KIF18A: variants seen among roughly 807,000 people sequenced by gnomAD.
The protein encoded by KIF18A is kinesin-like protein KIF18A.
KIF18A carries 67 observed loss-of-function variants against 103.3 expected under a neutral mutation model. The ratio of observed to expected loss-of-function variants is 0.65; its 90% CI spans 0.53 to 0.79. KIF18A has a LOEUF of 0.79. Among genes scored for constraint, KIF18A ranks in the 30% least tolerant of loss-of-function variants. The pLI is 0.00. For missense variants in KIF18A, 1,032 were observed against 1,062.5 expected (o/e 0.97, Z 0.40); for synonymous variants, 367 against 355.5 (o/e 1.03, Z -0.36).
At chr11:28,093,584 G>A (rs1164470617) in intron 3 of KIF18A, among the ~76,000 whole-genome samples, 12 of 152,018 alleles carry the variant, frequency 7.9e-5, no homozygotes, top group Admixed American at 2.6e-4. Flanking sequence ...TATTTCAAAA[G>A]GACACAAGAG....
intron 13 of KIF18A, among the ~76,000 whole-genome samples, chr11:28,047,721 T>C (rs1473299516): frequency 6.6e-6 from 1 of 152,066 alleles, no homozygotes; most frequent in African/African-American, 2.4e-5. Context: ...ATAAACATAA[T>C]GGAGACTTAA....
intron 12 of KIF18A, among the ~76,000 whole-genome samples, chr11:28,060,449 T>C (rs1850843544): frequency 6.6e-6 from 1 of 152,196 alleles, no homozygotes; most frequent in Non-Finnish European, 1.5e-5. Flanking sequence ...GTGACCTTTT[T>C]CCTTTTGGTG....
At chr11:28,050,120 T>A (rs933096430) in intron 13 of KIF18A, among the ~76,000 whole-genome samples, 6 of 151,852 alleles carry the variant, frequency 4.0e-5, no homozygotes, top group African/African-American at 1.4e-4. Context: ...AACCTTTTGA[T>A]ATTTTTTCTG....
At chr11:28,100,444 C>T (rs185174404) in intron 1 of KIF18A, among the ~76,000 whole-genome samples, 12 of 150,646 alleles carry the variant, frequency 8.0e-5, no homozygotes, top group African/African-American at 3.0e-4. Context: ...AACACAGAGG[C>T]CATCGAGAAA....
chr11:28,039,212 A>G (rs1022695353), intron 13 of KIF18A, among the ~76,000 whole-genome samples: 2 of 151,718 alleles, frequency 1.3e-5, no homozygotes, highest in East Asian at 1.9e-4. Flanking sequence ...ATATGTTTCA[A>G]CTGTTAATAT....
intron 10 of KIF18A, among the ~76,000 whole-genome samples, chr11:28,074,579 G>A (rs943321885): frequency 6.6e-6 from 1 of 152,038 alleles, no homozygotes; most frequent in Non-Finnish European, 1.5e-5. Context: ...CTGACAAACT[G>A]GTATCAATGA....
chr11:28,033,647 G>A (rs532650381), intron 15 of KIF18A, among the ~76,000 whole-genome samples: 2 of 151,708 alleles, frequency 1.3e-5, no homozygotes, highest in African/African-American at 4.8e-5. Context: ...CTTATTTTGG[G>A]GAGCTAAAAA....
Position 28,036,215 on chromosome 11 carries a change from A to T in KIF18A, c.2396+2T>A. 1.3e-6 allele frequency: 2 copies of T among 1,535,396 alleles called. No homozygotes were observed. Among genetic ancestry groups the T allele is most frequent in the South Asian group, 1.2e-5 (1 of 80,392 alleles). The stretch of plus-strand genomic sequence containing the variant: ...GAATTGGCAAATATTATTTTTTTGT[A>T]CCGTTGTAAAATGTCTTTGTTATCA... On this transcript the variant is annotated splice_donor_variant, in intron 14 of 16. Coordinates refer to ENST00000263181, the MANE Select transcript of KIF18A (RefSeq NM_031217.4). LOFTEE classifies it high-confidence loss of function.
In KIF18A at chr11:28,097,702, T is replaced by G. The variant is rs142868710; in HGVS notation, c.246A>C (p.Glu82Asp). ...LKFVFDAVFD[E>D]TSTQSEVFEH... is the part of the protein sequence containing the mutation. ...CAAAAACTTCTGACTGAGTTGACGTTTCATCAAAAACAGCATCAAATACAA... is the reference window on the plus strand; with the variant it reads ...CAAAAACTTCTGACTGAGTTGACGTGTCATCAAAAACAGCATCAAATACAA... Residue 82 changes from glutamate (E) to aspartate (D), a missense_variant, in exon 2 of 17, where the codon GAA (glutamate) becomes GAC (aspartate). By Grantham distance (45) the Glu-to-Asp change is conservative (BLOSUM62 2). Transcript: ENST00000263181. The G allele has an allele frequency of 1.2e-4, 189 of 1,611,732 alleles. 2 individuals carry two copies. In the South Asian group the frequency reaches 1.5e-3, roughly 12 times the overall value.
intron 13 of KIF18A, among the ~76,000 whole-genome samples, chr11:28,047,185 T>A (rs556845217): frequency 1.3e-5 from 2 of 151,940 alleles, no homozygotes; most frequent in Non-Finnish European, 2.9e-5. Context: ...TTCCTAAGGA[T>A]AGTTTTAAGA....
chr11:28,067,361 T>C (rs1335748193), intron 11 of KIF18A, among the ~76,000 whole-genome samples: 1 of 152,108 alleles, frequency 6.6e-6, no homozygotes, highest in Admixed American at 6.6e-5. Context: ...GGAAATACTG[T>C]CTTTGGTTTC....
chr11:28,081,407 C>T lies in KIF18A; in HGVS notation c.1262+1449G>A, dbSNP rs921508870. ...GCAGCTGGTGACTTTAAGTTGAAGT[C>T]GATGTTCATTTACCATTTACAAACA... On this transcript the variant is annotated intron_variant, in intron 9 of 16. Transcript: ENST00000263181. 2.5e-4 allele frequency among the ~76,000 whole-genome samples: 38 copies of T among 152,086 alleles called. 1 individual carries two copies. The highest frequency in any genetic ancestry group is 8.9e-4 in the African/African-American group (37 of 41,410).
chr11:28,094,493 T>TAAAA (rs1851342970), intron 3 of KIF18A, 150 bp downstream of exon 3: 1 of 651,772 alleles, frequency 1.5e-6, no homozygotes, highest in Admixed American at 3.4e-5. Flanking sequence ...AAAAAAAAAT[T>TAAAA]AACAGAAAAA....
At chr11:28,106,741 C>T (rs534868684) in intron 1 of KIF18A, among the ~76,000 whole-genome samples, 19 of 152,104 alleles carry the variant, frequency 1.2e-4, no homozygotes, top group South Asian at 6.2e-4. Context: ...GAGGCCGAGG[C>T]GGGCAGATGG....
intron 13 of KIF18A, among the ~76,000 whole-genome samples, chr11:28,055,030 T>A (rs753394036): frequency 6.6e-6 from 1 of 152,168 alleles, no homozygotes; most frequent in Non-Finnish European, 1.5e-5. Flanking sequence ...CTTTCTAACA[T>A]CTTGAGTACA....
intron 5 of KIF18A, among the ~76,000 whole-genome samples, chr11:28,089,579 T>C (rs1022230678): frequency 3.9e-5 from 6 of 152,180 alleles, no homozygotes; most frequent in Non-Finnish European, 8.8e-5. Context: ...TTATGATGAG[T>C]ATGACATCAC....
intron 13 of KIF18A, among the ~76,000 whole-genome samples, chr11:28,046,490 GAAC>G (rs1441291990): frequency 7.4e-6 from 1 of 134,360 alleles, no homozygotes; most frequent in Non-Finnish European, 1.6e-5. Flanking sequence ...GGTGGGAATT[GAAC>G]AATGAGATCA....
rs1255612072 is a variant in KIF18A at position 28,069,292 on chromosome 11, C to T, written c.1557G>A (p.Met519Ile). ...TNWLHRVEKE[M>I]GLLSQNGHIP... ...TATGACCGTTTTGACTTAAGAGTCCCATTTCTTTTTCGACACGATGGAGCC... is the reference window on the plus strand; with the variant it reads ...TATGACCGTTTTGACTTAAGAGTCCTATTTCTTTTTCGACACGATGGAGCC... The change falls in exon 11 of 17, where the codon ATG becomes ATA. Residue 519 changes from methionine to isoleucine, a missense_variant. Met to Ile is a conservative substitution (Grantham distance 10). Transcript: ENST00000263181. 2 of 1,613,286 alleles carry T rather than the reference C, an allele frequency of 1.2e-6. No individual in the cohort carries two copies. The highest frequency in any genetic ancestry group is 2.2e-5 in the East Asian group (1 of 44,812).
chr11:28,095,879 G>A (rs1445543681), intron 2 of KIF18A, among the ~76,000 whole-genome samples: 2 of 151,562 alleles, frequency 1.3e-5, no homozygotes, highest in Non-Finnish European at 2.9e-5. Flanking sequence ...GAGGGCAGTG[G>A]CTCATTCCTG....
Sources: gnomAD v4.1 joint callset for allele counts (sites outside exome capture counted in the v4.1 genomes callset) on GRCh38, gnomAD v4.1.1 for gene constraint, MANE v1.5 for transcripts, NCBI Gene and HGNC (gene_info 2026-07-23, HGNC 2026-07-21) for gene names.